Variants in SAMD5 observed in about 807,000 individuals in gnomAD.
The protein encoded by SAMD5 is sterile alpha motif domain-containing protein 5.
Under a neutral mutation model 11.3 loss-of-function variants are expected in SAMD5, and 13 were observed. The ratio of observed to expected loss-of-function variants is 1.15; its 90% CI spans 0.75 to 1.83. SAMD5 has a LOEUF of 1.83. SAMD5 is among the 40% of genes most tolerant of loss of function. The pLI is 0.00. For missense variants in SAMD5, 255 were observed against 239.1 expected, an observed-to-expected ratio of 1.07 and a Z score of -0.44; for synonymous variants, 129 against 111.3, an observed-to-expected ratio of 1.16 and a Z score of -1.00.
chr6:147,773,614 A>G, the SAMD5 span, among the ~76,000 whole-genome samples: 4 of 152,216 alleles, frequency 2.6e-5, no homozygotes, highest in Admixed American at 6.5e-5. Context: ...CACCTGGTGC[A>G]GAGCAGAGAG....
the SAMD5 span, among the ~76,000 whole-genome samples, chr6:147,771,475 A>T: frequency 1.3e-5 from 2 of 152,208 alleles, no homozygotes; most frequent in African/African-American, 4.8e-5. Flanking sequence ...AGCATGTCAC[A>T]TTCTTCCTCT....
intron 1 of SAMD5, among the ~76,000 whole-genome samples, chr6:147,607,138 TA>T (rs1422008917): frequency 6.6e-6 from 1 of 152,178 alleles, no homozygotes; most frequent in Non-Finnish European, 1.5e-5. Flanking sequence ...GAATTGTTTT[TA>T]TTAACTCTCA....
At position 147,509,438 on chromosome 6, in the gene SAMD5, A is replaced by G. The variant is rs146355098; in HGVS notation, c.459+51A>G. 1,592 of 1,463,906 alleles carry G rather than the reference A, an allele frequency of 1.1e-3. 15 individuals carry two copies. In the African/African-American group the frequency reaches 0.018, roughly 16 times the overall value. 90.7% of individuals were successfully genotyped at this position (1,463,906 alleles called of 1,614,324 possible). On this transcript the variant is annotated intron_variant, in intron 1 of 1. Transcript: ENST00000367474. Reference sequence around the variant, plus strand: ...CGGGGCGCGCGGCGGGAGGGGACACAGCCCAGCTGCCTGTGCCAAGGCTTT... The same window carrying G: ...CGGGGCGCGCGGCGGGAGGGGACACGGCCCAGCTGCCTGTGCCAAGGCTTT...
At chr6:147,933,019 T>C in the SAMD5 span, among the ~76,000 whole-genome samples, 1 of 152,204 alleles carries the variant, frequency 6.6e-6, no homozygotes, top group African/African-American at 2.4e-5. Flanking sequence ...AGCTTGATAA[T>C]AGCCTTTCTG....
chr6:147,775,188 G>A, the SAMD5 span, among the ~76,000 whole-genome samples: 1 of 152,074 alleles, frequency 6.6e-6, no homozygotes, highest in Admixed American at 6.6e-5. Context: ...GCGAGGCCTG[G>A]TGTGTAGATC....
chr6:147,677,702 G>T (rs555530541), intron 1 of SAMD5, among the ~76,000 whole-genome samples: 1 of 152,188 alleles, frequency 6.6e-6, no homozygotes, highest in South Asian at 2.1e-4. Context: ...GCGGGCGGGG[G>T]CTTGGGAGCA....
intron 1 of SAMD5, among the ~76,000 whole-genome samples, chr6:147,547,555 A>G (rs1788705994): frequency 6.6e-6 from 1 of 152,188 alleles, no homozygotes; most frequent in Admixed American, 6.5e-5. Flanking sequence ...GGTGGGTTGG[A>G]TCTTCGCAGA....
chr6:147,749,273 G>A, the SAMD5 span, among the ~76,000 whole-genome samples: 6 of 151,380 alleles, frequency 4.0e-5, no homozygotes, highest in Admixed American at 2.6e-4. Flanking sequence ...AGTTTCAAGC[G>A]ATTCTCCTGC....
the SAMD5 span, among the ~76,000 whole-genome samples, chr6:147,849,246 A>G: frequency 1.3e-5 from 2 of 149,666 alleles, no homozygotes; most frequent in African/African-American, 5.0e-5. Flanking sequence ...TCCCATTTAT[A>G]TCAAAAGTAA....
chr6:147,729,449 G>C (rs1002914200), intron 1 of SAMD5, among the ~76,000 whole-genome samples: 4 of 152,218 alleles, frequency 2.6e-5, no homozygotes, highest in Admixed American at 6.5e-5. Context: ...GCTGCCCACT[G>C]TATGCCAGGA....
chr6:147,875,544 C>T, the SAMD5 span, among the ~76,000 whole-genome samples: 2 of 152,136 alleles, frequency 1.3e-5, no homozygotes, highest in Non-Finnish European at 2.9e-5. Flanking sequence ...TCCCCTAGAA[C>T]AGGGGTCCCC....
chr6:147,821,866 T>G, the SAMD5 span, among the ~76,000 whole-genome samples: 3 of 152,200 alleles, frequency 2.0e-5, no homozygotes, highest in Non-Finnish European at 2.9e-5. Context: ...CCCATGTTCC[T>G]CCAGAGAAGA....
chr6:147,706,548 A>G (rs527504825), intron 1 of SAMD5, among the ~76,000 whole-genome samples: 175 of 152,310 alleles, frequency 1.1e-3, no homozygotes, highest in African/African-American at 4.0e-3. Context: ...TTTATGAAGG[A>G]AAGAGGAAAA....
At chr6:147,728,603 A>G (rs1791662723) in intron 1 of SAMD5, among the ~76,000 whole-genome samples, 1 of 152,196 alleles carries the variant, frequency 6.6e-6, no homozygotes, top group Non-Finnish European at 1.5e-5. Context: ...AACCTGGGAA[A>G]CACTCTACAG....
In SAMD5 at chr6:147,603,171, G is replaced by A. The variant is rs112062351; in HGVS notation, c.162+93784G>A. 2.2e-3 allele frequency among the ~76,000 whole-genome samples: 335 copies of A among 152,190 alleles called. 4 individuals are homozygous for A. The highest frequency in any genetic ancestry group is 7.7e-3 in the African/African-American group (318 of 41,544). Reference sequence around the variant, plus strand: ...CTTCTTGGGGAATTACATCAAATATGTTAACTGAAGTTATTTCAGGGTAAT... The same window carrying A: ...CTTCTTGGGGAATTACATCAAATATATTAACTGAAGTTATTTCAGGGTAAT... On this transcript the variant is annotated intron_variant, in intron 1 of 1. Coordinates refer to the SAMD5 transcript ENST00000566741.
chr6:147,808,268 CCATTGCTCA>C, the SAMD5 span, among the ~76,000 whole-genome samples: 1 of 152,198 alleles, frequency 6.6e-6, no homozygotes, highest in Non-Finnish European at 1.5e-5. Context: ...AGTGATGCAA[CCATTGCTCA>C]CTGCAGCCTT....
chr6:147,816,559 T>A, the SAMD5 span, among the ~76,000 whole-genome samples: 2 of 151,908 alleles, frequency 1.3e-5, no homozygotes, highest in Admixed American at 6.6e-5. Context: ...GTTATCTTAG[T>A]GATGGTTATT....
At chr6:147,846,359 A>G in the SAMD5 span, among the ~76,000 whole-genome samples, 1 of 152,134 alleles carries the variant, frequency 6.6e-6, no homozygotes, top group Non-Finnish European at 1.5e-5. Context: ...CACAGACACA[A>G]TCACATGAGT....
At chr6:147,700,151 C>T (rs535801137) in intron 1 of SAMD5, among the ~76,000 whole-genome samples, 1 of 152,288 alleles carries the variant, frequency 6.6e-6, no homozygotes, top group Admixed American at 6.5e-5. Context: ...TCTTCAACCT[C>T]TCTTTAGTTT....
Sources: gnomAD v4.1 joint callset for allele counts (sites outside exome capture counted in the v4.1 genomes callset) on GRCh38, gnomAD v4.1.1 for gene constraint, MANE v1.5 for transcripts, NCBI Gene and HGNC (gene_info 2026-07-23, HGNC 2026-07-21) for gene names.